The following SLC16A7 variants were observed in gnomAD, a reference collection of about 807,000 sequenced individuals.
SLC16A7 encodes monocarboxylate transporter 2.
Under a neutral mutation model 34.9 loss-of-function variants are expected in SLC16A7, and 33 were observed. The observed-to-expected ratio is 0.94, with a 90% CI of 0.72 to 1.26. The LOEUF is 1.26. Among genes scored for constraint, SLC16A7 ranks in the 50% most tolerant of loss-of-function variants. SLC16A7 has a pLI of 0.00. For missense variants in SLC16A7, 573 were observed against 578.1 expected (o/e 0.99, Z 0.09); for synonymous variants, 201 against 206.6 (o/e 0.97, Z 0.23).
At chr12:59,674,326 C>T (rs1441023510) in intron 2 of SLC16A7, among the ~76,000 whole-genome samples, 2 of 152,004 alleles carry the variant, frequency 1.3e-5, no homozygotes, top group Admixed American at 6.6e-5. Context: ...ATCTTTGTAC[C>T]CCTAGTGCTA....
At chr12:59,633,731 G>C (rs1880290450) in intron 1 of SLC16A7, among the ~76,000 whole-genome samples, 1 of 152,000 alleles carries the variant, frequency 6.6e-6, no homozygotes, top group African/African-American at 2.4e-5. Context: ...GAAGGTGAAG[G>C]GGAAGCAAAG....
At chr12:59,612,380 G>A (rs1565617495) in intron 1 of SLC16A7, among the ~76,000 whole-genome samples, 1 of 152,126 alleles carries the variant, frequency 6.6e-6, no homozygotes, top group Non-Finnish European at 1.5e-5. Flanking sequence ...GACACACAGG[G>A]TACCACATTC....
rs971529669 is a variant in SLC16A7, at chr12:59,752,553, G to C, written c.218-18666G>C. Among the ~76,000 whole-genome samples, 115 of 151,950 alleles carry C rather than the reference G, an allele frequency of 7.6e-4. 1 individual carries two copies. Among genetic ancestry groups the C allele is most frequent in the Non-Finnish European group, 3.8e-4 (26 of 67,978 alleles). On this transcript the variant is annotated intron_variant, in intron 3 of 5. Transcript: ENST00000547379. ...AATGAAGCAAGAAGGGAAGTTTAGA[G>C]AAAAAAGAATAAAAAGAAAGGAGCA...
At chr12:59,756,502 A>G (rs577156369) in intron 3 of SLC16A7, among the ~76,000 whole-genome samples, 1 of 152,272 alleles carries the variant, frequency 6.6e-6, no homozygotes, top group South Asian at 2.1e-4. Context: ...AAACACATGT[A>G]AAAATGCTCA....
At chr12:59,748,755 T>C (rs1368904564) in intron 3 of SLC16A7, among the ~76,000 whole-genome samples, 3 of 152,224 alleles carry the variant, frequency 2.0e-5, no homozygotes. Context: ...GCAAACTACC[T>C]TTTTATCTTG....
intron 3 of SLC16A7, among the ~76,000 whole-genome samples, chr12:59,714,698 A>G (rs1693609): frequency 0.61 from 92,141 of 151,758 alleles, 28,731 homozygotes; most frequent in African/African-American, 0.77. Context: ...TCGAGTAGCT[A>G]GGATTACAGG....
chr12:59,714,832 T>G (rs1874709936), intron 3 of SLC16A7, among the ~76,000 whole-genome samples: 1 of 152,208 alleles, frequency 6.6e-6, no homozygotes, highest in South Asian at 2.1e-4. Flanking sequence ...CCCAAAGTGC[T>G]GGGATTACAG....
chr12:59,686,782 C>T (rs975847476), intron 2 of SLC16A7, among the ~76,000 whole-genome samples: 2 of 152,038 alleles, frequency 1.3e-5, no homozygotes, highest in Admixed American at 1.3e-4. Context: ...AAAAGACTTA[C>T]TGGTGTCTGA....
At chr12:59,742,045 CT>C (rs1337410079) in intron 3 of SLC16A7, among the ~76,000 whole-genome samples, 1 of 152,158 alleles carries the variant, frequency 6.6e-6, no homozygotes, top group African/African-American at 2.4e-5. Context: ...GATCCTAGGA[CT>C]TTATAGGCTG....
intron 3 of SLC16A7, among the ~76,000 whole-genome samples, chr12:59,748,316 C>T (rs919187609): frequency 7.2e-5 from 11 of 152,132 alleles, no homozygotes; most frequent in South Asian, 4.1e-4. Context: ...CATAAGGACA[C>T]GGTATAAAAT....
intron 1 of SLC16A7, among the ~76,000 whole-genome samples, chr12:59,634,673 C>T (rs1172047183): frequency 6.6e-6 from 1 of 152,012 alleles, no homozygotes; most frequent in African/African-American, 2.4e-5. Context: ...GCTAAAGCAA[C>T]ATAGCAGGGC....
chr12:59,702,789 G>T (rs1284859190), intron 2 of SLC16A7, among the ~76,000 whole-genome samples: 1 of 151,888 alleles, frequency 6.6e-6, no homozygotes, highest in African/African-American at 2.4e-5. Context: ...AAAATGCCGA[G>T]GATTTTTTTG....
At chr12:59,744,018 G>A (rs2711663) in intron 3 of SLC16A7, among the ~76,000 whole-genome samples, 18,669 of 152,120 alleles carry the variant, frequency 0.12, 1,497 homozygotes, top group African/African-American at 0.22. Context: ...TTATTATTAG[G>A]ATGTTTTCTA....
At chr12:59,691,796 C>T (rs1455880658) in intron 2 of SLC16A7, among the ~76,000 whole-genome samples, 5 of 151,948 alleles carry the variant, frequency 3.3e-5, no homozygotes, top group African/African-American at 9.7e-5. Flanking sequence ...ACAATTTATA[C>T]ATTTTCTAAT....
intron 3 of SLC16A7, among the ~76,000 whole-genome samples, chr12:59,739,493 G>A (rs574475972): frequency 1.3e-4 from 18 of 140,806 alleles, no homozygotes; most frequent in South Asian, 7.4e-4. Flanking sequence ...GAATAGTGCC[G>A]CAATAAATAT....
intron 4 of SLC16A7, among the ~76,000 whole-genome samples, chr12:59,773,336 C>T (rs1472475184): frequency 6.6e-6 from 1 of 152,002 alleles, no homozygotes; most frequent in South Asian, 2.1e-4. Context: ...TTTTAGGGGT[C>T]CTCTTACTTA....
In SLC16A7 at chr12:59,776,834, C is replaced by T. The variant is rs534234727; in HGVS notation, c.1180+1359C>T. Among the ~76,000 whole-genome samples, 62 of 152,182 alleles carry T rather than the reference C, an allele frequency of 4.1e-4. 1 individual carries two copies. The South Asian group carries it at 0.012, about 30-fold the overall frequency. Reference sequence around the variant, plus strand: ...ATCTCTCAATATAAATATACCATGACATCAAAACAATTGTCAAAAGAGAGT... The same window carrying T: ...ATCTCTCAATATAAATATACCATGATATCAAAACAATTGTCAAAAGAGAGT... On this transcript the variant is annotated intron_variant, in intron 5 of 5. Transcript: ENST00000547379.
In SLC16A7 at chr12:59,785,617, T is replaced by A. The variant is rs1304971934; in HGVS notation, c.*5938T>A. 1 of 152,162 alleles carries A rather than the reference T, an allele frequency of 6.6e-6. No homozygotes were observed. Among genetic ancestry groups the A allele is most frequent in the Non-Finnish European group, 1.5e-5 (1 of 68,020 alleles). The allele number at this position is 152,162 out of a possible 1,614,324, so 9.4% of individuals were successfully genotyped here. ...GACATATTTAGTATGGACTTTTGTT[T>A]CTTTGGTATAGTTAGTTACACTTGT... On this transcript the variant is annotated 3_prime_UTR_variant, in exon 6 of 6. Coordinates refer to ENST00000547379, the MANE Select transcript of SLC16A7 (RefSeq NM_001270623.2).
At chr12:59,743,974 G>A (rs983826871) in intron 3 of SLC16A7, among the ~76,000 whole-genome samples, 29 of 152,164 alleles carry the variant, frequency 1.9e-4, no homozygotes, top group African/African-American at 7.0e-4. Flanking sequence ...ACTTAGTGGA[G>A]TACTTGTAAT....
Sources: allele counts gnomAD v4.1 joint callset (sites outside exome capture counted in the v4.1 genomes callset), GRCh38; gene constraint gnomAD v4.1.1; transcripts MANE v1.5; gene names NCBI Gene and HGNC (gene_info 2026-07-23, HGNC 2026-07-21).